LIN28B: variants seen among roughly 807,000 people sequenced by gnomAD.
LIN28B encodes protein lin-28 homolog B.
A neutral mutation model predicts 21.9 loss-of-function variants in LIN28B; 5 were observed. That is an observed-to-expected ratio of 0.23 (90% CI 0.12 to 0.48). The LOEUF (loss-of-function observed/expected upper bound fraction) is 0.48, where lower values mean the gene tolerates loss of function less well. LIN28B is among the 20% of genes least tolerant of loss of function. The probability of loss-of-function intolerance (pLI) is 0.98; values close to 1 mark genes in which losing one functional copy is unlikely to be tolerated. For synonymous variants in LIN28B, 109 were observed against 111.3 expected (o/e 0.98, Z 0.13); for missense variants, 245 against 310.5 (o/e 0.79, Z 1.58).
At chr6:104,953,869 G>A (rs915185869), upstream of LIN28B, among the ~76,000 whole-genome samples, 6 of 152,132 alleles carry the variant, frequency 3.9e-5, no homozygotes, top group African/African-American at 1.4e-4. Context: ...AAGAAGAACC[G>A]AAGCATTGTT....
chr6:104,945,056 A>G lies in LIN28B; in HGVS notation c.19-5405A>G, dbSNP rs141903004. Reference sequence around the variant, plus strand: ...CGAAATGCTACTTTTATGTTTTTCAAACATTTTTCTGTGCATCATTTGTTC... The same window carrying G: ...CGAAATGCTACTTTTATGTTTTTCAGACATTTTTCTGTGCATCATTTGTTC... On this transcript the variant is annotated intron_variant, in intron 2 of 5. Coordinates refer to the LIN28B transcript ENST00000635857. 8.4e-3 allele frequency among the ~76,000 whole-genome samples: 1,278 copies of G among 152,296 alleles called. 16 individuals carry two copies. Among genetic ancestry groups the G allele is most frequent in the African/African-American group, 0.029 (1,219 of 41,586 alleles).
chr6:104,970,002 G>C (rs1392393722), intron 2 of LIN28B, among the ~76,000 whole-genome samples: 1 of 152,106 alleles, frequency 6.6e-6, no homozygotes, highest in Admixed American at 6.5e-5. Flanking sequence ...CTGGACATTG[G>C]ATACTCCTAT....
chr6:105,077,423 G>GT (rs1562116441), intron 3 of LIN28B, among the ~76,000 whole-genome samples: 3 of 151,756 alleles, frequency 2.0e-5, no homozygotes, highest in South Asian at 2.1e-4. Context: ...TCCACTAATG[G>GT]TTTTTTTGTT....
intron 2 of LIN28B, among the ~76,000 whole-genome samples, chr6:104,985,558 T>G (rs1770321347): frequency 6.6e-6 from 1 of 152,238 alleles, no homozygotes; most frequent in African/African-American, 2.4e-5. Flanking sequence ...ATCTTCTCAA[T>G]ATGTGACTTG....
At chr6:105,055,807 G>A (rs1295275054) in intron 3 of LIN28B, among the ~76,000 whole-genome samples, 1 of 151,478 alleles carries the variant, frequency 6.6e-6, no homozygotes, top group East Asian at 1.9e-4. Context: ...CTTCCTTCCA[G>A]CCCAGGCCGG....
intron 2 of LIN28B, among the ~76,000 whole-genome samples, chr6:105,022,161 G>T (rs1048840379): frequency 1.6e-4 from 24 of 151,928 alleles, no homozygotes; most frequent in Admixed American, 4.6e-4. Context: ...GAGAGAATGT[G>T]CAGGTATGGA....
At chr6:105,014,668 G>T (rs778834211) in intron 2 of LIN28B, among the ~76,000 whole-genome samples, 1 of 151,932 alleles carries the variant, frequency 6.6e-6, no homozygotes, top group Non-Finnish European at 1.5e-5. Context: ...TTTCCCAGGG[G>T]GTCATGAACA....
At position 105,021,572 on chromosome 6, in the gene LIN28B, T is replaced by C. The variant is rs115873688; in HGVS notation, c.199-4726T>C. On this transcript the variant is annotated intron_variant, in intron 2 of 3. Coordinates refer to ENST00000345080, the MANE Select transcript of LIN28B (RefSeq NM_001004317.4). ...CTGACTGTGGTAAGATGATATTTCATTGTGGTTTTCTGATGATTAGTGATG... is the reference window on the plus strand; with the variant it reads ...CTGACTGTGGTAAGATGATATTTCACTGTGGTTTTCTGATGATTAGTGATG... Among the ~76,000 whole-genome samples the C allele has an allele frequency of 7.4e-3, 1,132 of 152,328 alleles. 11 individuals carry two copies. The highest frequency in any genetic ancestry group is 0.026 in the African/African-American group (1,079 of 41,570).
At chr6:105,032,902 G>A (rs1401765712) in intron 3 of LIN28B, among the ~76,000 whole-genome samples, 3 of 152,048 alleles carry the variant, frequency 2.0e-5, no homozygotes, top group South Asian at 4.2e-4. Context: ...TTACTGGGTT[G>A]TGTGTTTTCT....
At chr6:105,062,177 G>T (rs1772134057) in intron 3 of LIN28B, among the ~76,000 whole-genome samples, 1 of 151,768 alleles carries the variant, frequency 6.6e-6, no homozygotes, top group South Asian at 2.1e-4. Flanking sequence ...TGACTCTGAG[G>T]CAGGGCTCTC....
intron 2 of LIN28B, among the ~76,000 whole-genome samples, chr6:104,992,124 C>T (rs773958402): frequency 1.3e-5 from 2 of 151,562 alleles, no homozygotes; most frequent in Non-Finnish European, 2.9e-5. Context: ...GGAGTTCATG[C>T]GATCTCGGCT....
intron 2 of LIN28B, among the ~76,000 whole-genome samples, chr6:104,981,074 G>A (rs1420132640): frequency 2.0e-5 from 3 of 152,102 alleles, no homozygotes; most frequent in Non-Finnish European, 4.4e-5. Context: ...TGTAATAAAG[G>A]ATGCAGGACA....
chr6:104,965,650 G>A (rs1198701369), intron 2 of LIN28B, among the ~76,000 whole-genome samples: 2 of 152,300 alleles, frequency 1.3e-5, no homozygotes, highest in East Asian at 3.9e-4. Context: ...GCCTCCCAAA[G>A]TCCTGGGATT....
chr6:104,964,325 G>T (rs919475816), intron 2 of LIN28B, among the ~76,000 whole-genome samples: 4 of 152,126 alleles, frequency 2.6e-5, no homozygotes, highest in African/African-American at 9.7e-5. Flanking sequence ...ACTGTGTCCA[G>T]CTTGATGTAC....
At chr6:105,070,405 C>A (rs147086278) in intron 3 of LIN28B, among the ~76,000 whole-genome samples, 217 of 152,060 alleles carry the variant, frequency 1.4e-3, no homozygotes, top group Middle Eastern at 6.8e-3. Flanking sequence ...TATATCAGTT[C>A]TTTCTTGTTA....
At chr6:104,986,043 G>A (rs1770332393) in intron 2 of LIN28B, among the ~76,000 whole-genome samples, 1 of 152,126 alleles carries the variant, frequency 6.6e-6, no homozygotes, top group South Asian at 2.1e-4. Flanking sequence ...GGGCCTAGTG[G>A]ATTGGATATG....
chr6:105,047,839 G>A (rs1400573209), intron 3 of LIN28B, among the ~76,000 whole-genome samples: 1 of 152,170 alleles, frequency 6.6e-6, no homozygotes, highest in Non-Finnish European at 1.5e-5. Flanking sequence ...TGGTGTATAA[G>A]AATGCTTGTG....
intron 3 of LIN28B, among the ~76,000 whole-genome samples, chr6:105,036,934 A>G (rs993918335): frequency 7.1e-6 from 1 of 141,840 alleles, no homozygotes; most frequent in African/African-American, 2.5e-5. Context: ...CTTTCTAAAA[A>G]GGAAATTAAT....
At position 105,078,915 on chromosome 6, in the gene LIN28B, A is replaced by G. The variant is rs1215965087; in HGVS notation, c.*132A>G. ...ACTATTGGGGAACTGTGAATTTTTT[A>G]AACAGACAAATCACTCTAAGCAAAT... On this transcript the variant is annotated 3_prime_UTR_variant, in exon 4 of 4. Coordinates refer to ENST00000345080, the MANE Select transcript of LIN28B (RefSeq NM_001004317.4). 1.2e-5 allele frequency: 12 copies of G among 1,038,294 alleles called. No individual in the cohort carries two copies. Among genetic ancestry groups the G allele is most frequent in the Non-Finnish European group, 1.5e-5 (11 of 722,540 alleles). The allele number at this position is 1,038,294 out of a possible 1,614,324, so 64.3% of individuals were successfully genotyped here.
Sources: gnomAD v4.1 joint callset for allele counts (sites outside exome capture counted in the v4.1 genomes callset) on GRCh38, gnomAD v4.1.1 for gene constraint, MANE v1.5 for transcripts, NCBI Gene and HGNC (gene_info 2026-07-23, HGNC 2026-07-21) for gene names.